The following NXPE2 variants were observed in gnomAD, a reference collection of about 807,000 sequenced individuals.
The protein encoded by NXPE2 is neurexophilin and PC-esterase domain family member 2, also known as NXPE family member 2.
Under a neutral mutation model 34.4 loss-of-function variants are expected in NXPE2, and 34 were observed. The observed-to-expected ratio is 0.99, with a 90% CI of 0.75 to 1.31. NXPE2 has a LOEUF of 1.31. Ranked by LOEUF, NXPE2 falls within the 40% of genes most tolerant of loss-of-function variation. NXPE2 has a pLI of 0.00. For synonymous variants in NXPE2, 235 were observed against 231.3 expected, an observed-to-expected ratio of 1.02 and a Z score of -0.15; for missense variants, 649 against 672.5, an observed-to-expected ratio of 0.97 and a Z score of 0.39.
chr11:114,800,172 C>T, the NXPE2 span, among the ~76,000 whole-genome samples: 2 of 152,156 alleles, frequency 1.3e-5, no homozygotes, highest in African/African-American at 4.8e-5. Flanking sequence ...TATTAGTTCA[C>T]AGCAGTACAG....
the NXPE2 span, among the ~76,000 whole-genome samples, chr11:114,602,354 T>C: frequency 1.6e-5 from 2 of 126,830 alleles, no homozygotes; most frequent in South Asian, 2.3e-4. Flanking sequence ...ACATATACTA[T>C]ATATAATATG....
At chr11:114,613,472 G>T in the NXPE2 span, among the ~76,000 whole-genome samples, 2 of 151,818 alleles carry the variant, frequency 1.3e-5, no homozygotes, top group Non-Finnish European at 2.9e-5. Context: ...TGCATAATAA[G>T]TATTGCCTCG....
At chr11:114,532,336 C>G in the NXPE2 span, among the ~76,000 whole-genome samples, 1 of 152,022 alleles carries the variant, frequency 6.6e-6, no homozygotes, top group African/African-American at 2.4e-5. Flanking sequence ...AAATGAAATT[C>G]CCCCAAAAGA....
the NXPE2 span, among the ~76,000 whole-genome samples, chr11:114,611,859 T>C: frequency 2.0e-3 from 301 of 152,074 alleles, 2 homozygotes; most frequent in African/African-American, 5.9e-3. Context: ...GAAACCACTG[T>C]TACCTGGTGT....
At chr11:114,765,179 C>T in the NXPE2 span, among the ~76,000 whole-genome samples, 2 of 152,212 alleles carry the variant, frequency 1.3e-5, no homozygotes. Context: ...ATGGCCTTTG[C>T]TAATGTCTCC....
the NXPE2 span, among the ~76,000 whole-genome samples, chr11:114,540,085 A>T: frequency 6.6e-6 from 1 of 152,216 alleles, no homozygotes; most frequent in African/African-American, 2.4e-5. Flanking sequence ...CCGCCTGAAT[A>T]GCTGGGATTA....
At chr11:114,539,267 A>G in the NXPE2 span, among the ~76,000 whole-genome samples, 2 of 126,116 alleles carry the variant, frequency 1.6e-5, no homozygotes, top group East Asian at 5.5e-4. Context: ...GGAACATCAC[A>G]CACTGGGGAC....
the NXPE2 span, among the ~76,000 whole-genome samples, chr11:114,473,768 A>T: frequency 2.0e-5 from 3 of 152,240 alleles, no homozygotes; most frequent in Admixed American, 1.3e-4. Context: ...ATTGCCATTT[A>T]AAAACTCTAA....
the NXPE2 span, among the ~76,000 whole-genome samples, chr11:114,611,677 G>A: frequency 8.0e-4 from 121 of 151,312 alleles, no homozygotes; most frequent in Admixed American, 7.1e-3. Context: ...GTGTTGCCTC[G>A]TGGGTAACCA....
At chr11:114,761,237 C>G in the NXPE2 span, among the ~76,000 whole-genome samples, 1 of 152,198 alleles carries the variant, frequency 6.6e-6, no homozygotes, top group African/African-American at 2.4e-5. Context: ...GAAAACTAAG[C>G]TATTTGCAAA....
intron 2 of NXPE2, among the ~76,000 whole-genome samples, chr11:114,682,771 G>A (rs1022100177): frequency 7.2e-4 from 110 of 152,060 alleles, no homozygotes; most frequent in African/African-American, 2.6e-3. Flanking sequence ...AGAATATTAT[G>A]TTGGAAGAAG....
chr11:114,608,433 G>T, the NXPE2 span, among the ~76,000 whole-genome samples: 13 of 150,550 alleles, frequency 8.6e-5, no homozygotes, highest in East Asian at 2.5e-3. Flanking sequence ...GTGTTGCCTC[G>T]CAGGAAAGCA....
At chr11:114,472,215 C>A in the NXPE2 span, among the ~76,000 whole-genome samples, 1 of 152,210 alleles carries the variant, frequency 6.6e-6, no homozygotes, top group East Asian at 1.9e-4. Context: ...ACATGAAACA[C>A]ATACCGAGCA....
At chr11:114,523,104 A>G in the NXPE2 span, 179 of 1,590,700 alleles carry the variant, frequency 1.1e-4, no homozygotes, top group Non-Finnish European at 1.0e-4. Flanking sequence ...GGTAACAAAG[A>G]CACTCGTAAA....
At chr11:114,530,258 C>T in the NXPE2 span, 60 of 1,613,984 alleles carry the variant, frequency 3.7e-5, no homozygotes, top group Middle Eastern at 5.0e-4. Context: ...CCTCACAGGG[C>T]ATGTGTTGAG....
chr11:114,466,843 T>G, the NXPE2 span, among the ~76,000 whole-genome samples: 1 of 152,188 alleles, frequency 6.6e-6, no homozygotes, highest in African/African-American at 2.4e-5. Flanking sequence ...CAGTTTAGTC[T>G]TCTTTTATTG....
At chr11:114,540,885 T>TTTTTTTTTTTTTTTTTTTTTTTTG in the NXPE2 span, among the ~76,000 whole-genome samples, 1 of 81,242 alleles carries the variant, frequency 1.2e-5, no homozygotes, top group Non-Finnish European at 2.5e-5. Context: ...TTTTTTTTTT[T>TTTTTTTTTTTTTTTTTTTTTTTTG]GGCTTGAACA....
the NXPE2 span, chr11:114,529,739 G>C: frequency 1.2e-5 from 2 of 171,368 alleles, no homozygotes; most frequent in Non-Finnish European, 2.5e-5. Flanking sequence ...TGACTGCTGG[G>C]AGAGAGACCA....
chr11:114,500,363 G>C, the NXPE2 span, among the ~76,000 whole-genome samples: 5 of 152,022 alleles, frequency 3.3e-5, no homozygotes, highest in Admixed American at 6.6e-5. Flanking sequence ...GATGGATAAT[G>C]ATATTGAACA....
Sources: gnomAD v4.1 joint callset for allele counts (sites outside exome capture counted in the v4.1 genomes callset) on GRCh38, gnomAD v4.1.1 for gene constraint, MANE v1.5 for transcripts, NCBI Gene and HGNC (gene_info 2026-07-23, HGNC 2026-07-21) for gene names.